The following SLC24A2 variants were observed in gnomAD, a reference collection of about 807,000 sequenced individuals.
SLC24A2 encodes sodium/potassium/calcium exchanger 2.
In SLC24A2, 36 loss-of-function variants were observed where a neutral mutation model predicts 62.0. That is an observed-to-expected ratio of 0.58 (90% CI 0.44 to 0.77). The LOEUF is 0.77. Among genes scored for constraint, SLC24A2 ranks in the 30% least tolerant of loss-of-function variants. The probability of loss-of-function intolerance (pLI) is 0.00; values close to 1 mark genes in which losing one functional copy is unlikely to be tolerated. For synonymous variants in SLC24A2, 358 were observed against 294.0 expected (o/e 1.22, Z -2.23); for missense variants, 846 against 817.9 (o/e 1.03, Z -0.42).
At chr9:19,635,125 G>A (rs1056504297) in intron 2 of SLC24A2, among the ~76,000 whole-genome samples, 1 of 152,200 alleles carries the variant, frequency 6.6e-6, no homozygotes, top group African/African-American at 2.4e-5. Flanking sequence ...GAAAAGATGT[G>A]CTCTGGAAGT....
intron 2 of SLC24A2, among the ~76,000 whole-genome samples, chr9:19,734,194 G>T (rs1426177365): frequency 6.6e-6 from 1 of 150,886 alleles, no homozygotes; most frequent in African/African-American, 2.5e-5. Flanking sequence ...TCAGATAGTT[G>T]TAGATATGTG....
Position 19,614,174 on chromosome 9 carries a change from T to C in SLC24A2, c.1078+5410A>G, listed in dbSNP as rs572325880. 5.9e-5 allele frequency among the ~76,000 whole-genome samples: 9 copies of C among 152,332 alleles called. No individual in the cohort carries two copies. The South Asian group carries it at 1.2e-3, about 21-fold the overall frequency. On this transcript the variant is annotated intron_variant, in intron 4 of 10. Coordinates refer to ENST00000341998, the MANE Select transcript of SLC24A2 (RefSeq NM_020344.4). ...TTTAGAGAAAATGTTAAAATCAATATAGGACACTGAATTTATTAGAAAGAT... is the reference window on the plus strand; with the variant it reads ...TTTAGAGAAAATGTTAAAATCAATACAGGACACTGAATTTATTAGAAAGAT...
the SLC24A2 span, among the ~76,000 whole-genome samples, chr9:19,990,684 T>C: frequency 3.4e-5 from 5 of 147,278 alleles, no homozygotes; most frequent in African/African-American, 1.3e-4. Context: ...AAAAATTCCA[T>C]AAACAATTCA....
chr9:19,628,400 G>C (rs1169824932), intron 2 of SLC24A2, among the ~76,000 whole-genome samples: 1 of 152,108 alleles, frequency 6.6e-6, no homozygotes, highest in Admixed American at 6.5e-5. Context: ...AGAAAGAGAG[G>C]CAAGAAGGGC....
intron 9 of SLC24A2, among the ~76,000 whole-genome samples, chr9:19,522,873 T>G (rs1450065646): frequency 6.6e-6 from 1 of 152,236 alleles, no homozygotes; most frequent in Non-Finnish European, 1.5e-5. Context: ...AGCAAAATAT[T>G]CTCAAATTGT....
At chr9:20,006,823 C>A in the SLC24A2 span, among the ~76,000 whole-genome samples, 2 of 152,240 alleles carry the variant, frequency 1.3e-5, no homozygotes, top group African/African-American at 4.8e-5. Context: ...TGACTCCCAA[C>A]TGTGTGTTCC....
chr9:20,065,845 T>G, the SLC24A2 span, among the ~76,000 whole-genome samples: 3 of 152,176 alleles, frequency 2.0e-5, no homozygotes, highest in African/African-American at 7.2e-5. Context: ...CCTTTTAGCT[T>G]AGGCTTTCTG....
chr9:20,243,413 A>C, the SLC24A2 span, among the ~76,000 whole-genome samples: 1 of 152,192 alleles, frequency 6.6e-6, no homozygotes, highest in African/African-American at 2.4e-5. Flanking sequence ...GTTATTTATA[A>C]AAATTTGCAG....
At chr9:19,927,959 T>G in the SLC24A2 span, 1 of 152,340 alleles carries the variant, frequency 6.6e-6, no homozygotes. Flanking sequence ...CCTGGAAGGG[T>G]CTGCTGCACC....
chr9:19,981,180 A>C, the SLC24A2 span, among the ~76,000 whole-genome samples: 1 of 152,232 alleles, frequency 6.6e-6, no homozygotes, highest in Non-Finnish European at 1.5e-5. Flanking sequence ...CTTTAGAAAA[A>C]TATGATGAGT....
At chr9:19,800,331 CCTACT>C in the SLC24A2 span, among the ~76,000 whole-genome samples, 4 of 152,188 alleles carry the variant, frequency 2.6e-5, no homozygotes, top group African/African-American at 9.7e-5. Flanking sequence ...TATAGCCTTT[CCTACT>C]CTATTAGTCT....
At chr9:20,087,494 T>C in the SLC24A2 span, among the ~76,000 whole-genome samples, 1 of 152,172 alleles carries the variant, frequency 6.6e-6, no homozygotes, top group Non-Finnish European at 1.5e-5. Context: ...TTTGTGTAAA[T>C]CTGCTCTCAA....
At chr9:19,730,292 C>T (rs1481884421) in intron 2 of SLC24A2, among the ~76,000 whole-genome samples, 2 of 152,122 alleles carry the variant, frequency 1.3e-5, no homozygotes, top group African/African-American at 2.4e-5. Flanking sequence ...CAGTAATGTG[C>T]AGGCTTTTGA....
chr9:19,539,368 T>C (rs1474775827), intron 8 of SLC24A2, among the ~76,000 whole-genome samples: 1 of 150,646 alleles, frequency 6.6e-6, no homozygotes, highest in African/African-American at 2.5e-5. Flanking sequence ...CTCTACACAC[T>C]GCTTTGAATG....
At chr9:20,063,569 T>C in the SLC24A2 span, among the ~76,000 whole-genome samples, 3 of 151,694 alleles carry the variant, frequency 2.0e-5, no homozygotes, top group African/African-American at 4.8e-5. Flanking sequence ...GTGCAGCGCA[T>C]CAGCATGGCA....
the SLC24A2 span, among the ~76,000 whole-genome samples, chr9:20,048,887 T>A: frequency 1.3e-5 from 2 of 151,788 alleles, no homozygotes; most frequent in African/African-American, 2.4e-5. Flanking sequence ...TTTTTTTTCT[T>A]CTTTCCGCTT....
intron 2 of SLC24A2, among the ~76,000 whole-genome samples, chr9:19,645,800 T>C (rs986344765): frequency 3.3e-5 from 5 of 152,226 alleles, no homozygotes; most frequent in Non-Finnish European, 5.9e-5. Flanking sequence ...CTACAAACTT[T>C]TCTAGTCTGC....
chr9:19,696,047 G>C (rs1306352629), intron 2 of SLC24A2, among the ~76,000 whole-genome samples: 1 of 152,154 alleles, frequency 6.6e-6, no homozygotes, highest in Non-Finnish European at 1.5e-5. Flanking sequence ...AAGGGTGAGT[G>C]AGCATTACTG....
At chr9:20,078,877 T>G in the SLC24A2 span, among the ~76,000 whole-genome samples, 1 of 152,238 alleles carries the variant, frequency 6.6e-6, no homozygotes, top group African/African-American at 2.4e-5. Flanking sequence ...GAATTGTATG[T>G]GCTTTCTAAT....
Sources: allele counts gnomAD v4.1 joint callset (sites outside exome capture counted in the v4.1 genomes callset), GRCh38; gene constraint gnomAD v4.1.1; transcripts MANE v1.5; gene names NCBI Gene and HGNC (gene_info 2026-07-23, HGNC 2026-07-21).